Variants in NKAIN2 observed in about 807,000 individuals in gnomAD.
NKAIN2 encodes the protein sodium/potassium transporting ATPase interacting 2.
Under a neutral mutation model 32.6 loss-of-function variants are expected in NKAIN2, and 14 were observed. The ratio of observed to expected loss-of-function variants is 0.43; its 90% CI spans 0.28 to 0.67. NKAIN2 has a LOEUF of 0.67. Among genes scored for constraint, NKAIN2 ranks in the 30% least tolerant of loss-of-function variants. The pLI is 0.17. For synonymous variants in NKAIN2, 80 were observed against 87.2 expected (o/e 0.92, Z 0.46); for missense variants, 198 against 258.3 (o/e 0.77, Z 1.60).
At chr6:124,218,331 T>A (rs1431688853) in intron 1 of NKAIN2, among the ~76,000 whole-genome samples, 2 of 152,184 alleles carry the variant, frequency 1.3e-5, no homozygotes, top group Admixed American at 1.3e-4. Context: ...ATTAAAACCT[T>A]TGTGTATTTT....
At chr6:124,472,980 G>A (rs776362397) in intron 3 of NKAIN2, among the ~76,000 whole-genome samples, 8 of 152,150 alleles carry the variant, frequency 5.3e-5, no homozygotes, top group South Asian at 2.1e-4. Context: ...GCCTCCTCTC[G>A]CTGGAGAATA....
At chr6:124,099,129 G>T (rs901689147) in intron 1 of NKAIN2, among the ~76,000 whole-genome samples, 1 of 151,986 alleles carries the variant, frequency 6.6e-6, no homozygotes, top group African/African-American at 2.4e-5. Context: ...CTATGTTGAA[G>T]AAAATATACA....
chr6:124,800,116 C>A (rs1423752657), intron 5 of NKAIN2, among the ~76,000 whole-genome samples: 1 of 152,206 alleles, frequency 6.6e-6, no homozygotes, highest in East Asian at 1.9e-4. Flanking sequence ...CCCTCCAAAT[C>A]AGAGACATGC....
intron 5 of NKAIN2, among the ~76,000 whole-genome samples, chr6:124,805,173 G>T (rs2114841902): frequency 6.6e-6 from 1 of 152,332 alleles, no homozygotes; most frequent in Non-Finnish European, 1.5e-5. Flanking sequence ...ATCTGAGAAT[G>T]GGCAGAATGC....
chr6:124,613,070 A>C (rs1049099279), intron 3 of NKAIN2, among the ~76,000 whole-genome samples: 2 of 152,144 alleles, frequency 1.3e-5, no homozygotes, highest in African/African-American at 4.8e-5. Context: ...AATATACCCA[A>C]AGCATGAACG....
At chr6:124,463,587 C>A (rs1197190455) in intron 3 of NKAIN2, among the ~76,000 whole-genome samples, 1 of 152,018 alleles carries the variant, frequency 6.6e-6, no homozygotes, top group African/African-American at 2.4e-5. Context: ...TATCTCTTTA[C>A]CTTTGCCAAT....
At chr6:124,272,428 G>C (rs1794835303) in intron 1 of NKAIN2, among the ~76,000 whole-genome samples, 1 of 152,204 alleles carries the variant, frequency 6.6e-6, no homozygotes, top group Admixed American at 6.5e-5. Context: ...TCCACATGGT[G>C]TTGAGCTTGT....
chr6:124,346,251 C>T (rs1168336070), intron 2 of NKAIN2, among the ~76,000 whole-genome samples: 2 of 152,050 alleles, frequency 1.3e-5, no homozygotes, highest in Non-Finnish European at 2.9e-5. Context: ...GCTTTACTTG[C>T]AACTATGTGG....
chr6:124,302,565 C>T (rs1796332174), intron 2 of NKAIN2, among the ~76,000 whole-genome samples: 1 of 152,128 alleles, frequency 6.6e-6, no homozygotes, highest in African/African-American at 2.4e-5. Flanking sequence ...ACTAAGCTAT[C>T]CTATCTTTGA....
intron 1 of NKAIN2, among the ~76,000 whole-genome samples, chr6:124,269,852 C>A (rs376588886): frequency 7.9e-5 from 12 of 152,128 alleles, no homozygotes; most frequent in African/African-American, 2.2e-4. Context: ...GCTTTCATTT[C>A]ATCTCTTGAT....
intron 3 of NKAIN2, among the ~76,000 whole-genome samples, chr6:124,469,429 A>T (rs1162766015): frequency 6.6e-6 from 1 of 152,212 alleles, no homozygotes; most frequent in African/African-American, 2.4e-5. Flanking sequence ...CATGGTCAAT[A>T]TAATTATATG....
intron 3 of NKAIN2, among the ~76,000 whole-genome samples, chr6:124,454,068 T>C (rs1776223517): frequency 7.0e-6 from 1 of 142,312 alleles, no homozygotes; most frequent in East Asian, 2.2e-4. Context: ...ATTATTTCAT[T>C]GAAATACTTA....
chr6:123,897,527 CAT>C (rs1399374292), intron 1 of NKAIN2, among the ~76,000 whole-genome samples: 2 of 152,076 alleles, frequency 1.3e-5, no homozygotes, highest in African/African-American at 4.8e-5. Flanking sequence ...ACTGTAATCA[CAT>C]GTGGATTTTT....
intron 1 of NKAIN2, among the ~76,000 whole-genome samples, chr6:124,054,765 C>T (rs1029922194): frequency 3.3e-5 from 5 of 151,966 alleles, no homozygotes; most frequent in South Asian, 2.1e-4. Flanking sequence ...TTCAGGTTGC[C>T]GGAGACAGGA....
intron 1 of NKAIN2, among the ~76,000 whole-genome samples, chr6:124,249,174 A>T (rs1793566615): frequency 6.6e-6 from 1 of 152,170 alleles, no homozygotes; most frequent in Non-Finnish European, 1.5e-5. Context: ...GTTACTATGT[A>T]GCCACAATAC....
intron 1 of NKAIN2, among the ~76,000 whole-genome samples, chr6:123,968,179 G>C (rs1351388390): frequency 6.6e-6 from 1 of 152,170 alleles, no homozygotes; most frequent in Admixed American, 6.5e-5. Context: ...TCACTGTGAG[G>C]CAGGGGGAAA....
rs1554213817 is a variant in NKAIN2 at position 124,476,063 on chromosome 6, A to AGAGAGAGAGT, written c.273+120719_273+120720insAGAGAGTGAG. Among the ~76,000 whole-genome samples the AGAGAGAGAGT allele has an allele frequency of 3.7e-3, 423 of 115,112 alleles. 2 individuals carry two copies. The highest frequency in any genetic ancestry group is 0.013 in the African/African-American group (359 of 28,012). The allele number at this position is 115,112 out of a possible 152,430, so 75.5% of individuals were successfully genotyped here. On this transcript the variant is annotated intron_variant, in intron 3 of 6. Transcript: ENST00000368417. ...GTGTGTGTGTGAGAGAGAGAGAGAG[A>AGAGAGAGAGT]GAGTGTGTGTGTGTGTGTGTGTGTG... is the stretch of plus-strand genomic sequence containing the variant.
chr6:124,707,126 T>A (rs954420839), intron 4 of NKAIN2, among the ~76,000 whole-genome samples: 2 of 151,930 alleles, frequency 1.3e-5, no homozygotes, highest in African/African-American at 4.8e-5. Flanking sequence ...TTACTGAGAA[T>A]GATGATTTCT....
intron 2 of NKAIN2, among the ~76,000 whole-genome samples, chr6:124,290,510 A>ATGTG (rs56389666): frequency 0.05 from 6,871 of 137,744 alleles, 254 homozygotes; most frequent in African/African-American, 0.1. Flanking sequence ...TACCTCAGAA[A>ATGTG]TGTGTGTGTG....
Sources: gnomAD v4.1 joint callset for allele counts (sites outside exome capture counted in the v4.1 genomes callset) on GRCh38, gnomAD v4.1.1 for gene constraint, MANE v1.5 for transcripts, NCBI Gene and HGNC (gene_info 2026-07-23, HGNC 2026-07-21) for gene names.